Variants in TTL observed in about 807,000 individuals in gnomAD.
TTL encodes the protein tubulin--tyrosine ligase.
In TTL, 10 loss-of-function variants were observed where a neutral mutation model predicts 41.1. That is an observed-to-expected ratio of 0.24 (90% CI 0.15 to 0.41). The LOEUF (loss-of-function observed/expected upper bound fraction) is 0.41. Among genes scored for constraint, TTL ranks in the 10% least tolerant of loss-of-function variants. The pLI is 1.00. For synonymous variants in TTL, 175 were observed against 175.5 expected (o/e 1.00, Z 0.02); for missense variants, 367 against 460.4 (o/e 0.80, Z 1.86).
Position 112,485,877 on chromosome 2 carries a change from G to GGGGCTGACAT in TTL, c.158-40_158-39insGGGCTGACAT. 3 of 1,566,236 alleles carry GGGGCTGACAT rather than the reference G, an allele frequency of 1.9e-6. No homozygotes were observed. In the African/African-American group the frequency reaches 4.1e-5, roughly 22 times the overall value. ...ACAGCTGTCCTCTCTCCTGCTTGCT[G>GGGGCTGACAT]TGTCCTGTGTCCCTTCTGAGCCTCC... On this transcript the variant is annotated intron_variant, in intron 1 of 6. Transcript: ENST00000233336.
chr2:112,487,982 C>A (rs930261873), intron 2 of TTL, among the ~76,000 whole-genome samples: 7 of 152,208 alleles, frequency 4.6e-5, no homozygotes, highest in Non-Finnish European at 2.9e-5. Flanking sequence ...ATAGTAGCTC[C>A]TGTTAAACCA....
chr2:112,525,230 C>T (rs1234621358), intron 6 of TTL, among the ~76,000 whole-genome samples: 1 of 152,188 alleles, frequency 6.6e-6, no homozygotes, highest in South Asian at 2.1e-4. Context: ...AGGGTGATGC[C>T]TCCAGCTTTG....
chr2:112,537,609 T>C lies in TTL; in HGVS notation c.*8814T>C, dbSNP rs1682620868. 6.6e-6 allele frequency: 1 copy of C among 152,268 alleles called. No homozygotes were observed. The highest frequency in any genetic ancestry group is 1.5e-5 in the Non-Finnish European group (1 of 68,058). The allele number at this position is 152,268 out of a possible 1,614,324, so 9.4% of individuals were successfully genotyped here. Reference sequence around the variant, plus strand: ...ATTAGTGATGATGAACATTGTCTCATATGTTTCTTGGCCACTTGTATGCCA... The same window carrying C: ...ATTAGTGATGATGAACATTGTCTCACATGTTTCTTGGCCACTTGTATGCCA... On this transcript the variant is annotated 3_prime_UTR_variant, in exon 7 of 7. Coordinates refer to ENST00000233336, the MANE Select transcript of TTL (RefSeq NM_153712.5).
chr2:112,507,319 A>T (rs1681816901), intron 5 of TTL, among the ~76,000 whole-genome samples: 1 of 20,258 alleles, frequency 4.9e-5, no homozygotes, highest in Non-Finnish European at 9.7e-5. Context: ...AGTTCTGTAG[A>T]TGTCTATTAG....
At position 112,536,770 on chromosome 2, in the gene TTL, G is replaced by C. The variant is rs1303076894; in HGVS notation, c.*7975G>C. On this transcript the variant is annotated 3_prime_UTR_variant, in exon 7 of 7. Transcript: ENST00000233336. Reference sequence around the variant, plus strand: ...ATGTTTGGCTCCCACTTATGAGACTGTGCAATATTTGGTTTTCTGTTCCTG... The same window carrying C: ...ATGTTTGGCTCCCACTTATGAGACTCTGCAATATTTGGTTTTCTGTTCCTG... 1 of 152,158 alleles carries C rather than the reference G, an allele frequency of 6.6e-6. No individual in the cohort carries two copies. The highest frequency in any genetic ancestry group is 2.4e-5 in the African/African-American group (1 of 41,418). 9.4% of individuals were successfully genotyped at this position (152,158 alleles called of 1,614,324 possible). A position where few individuals can be genotyped will look rare whatever the true frequency, so the allele number is the denominator to read the frequency against.
intron 3 of TTL, among the ~76,000 whole-genome samples, chr2:112,497,870 G>A (rs546383168): frequency 3.9e-5 from 6 of 152,106 alleles, no homozygotes; most frequent in Admixed American, 6.6e-5. Context: ...AAACCACAAC[G>A]AACTGTCACT....
At chr2:112,494,488 T>G in intron 3 of TTL, 113 bp downstream of exon 3, 1 of 807,432 alleles carries the variant, frequency 1.2e-6, no homozygotes, top group Non-Finnish European at 2.0e-6. Context: ...CCGTGTCTAG[T>G]TACATAGTTA....
At chr2:112,502,188 C>T (rs1414508097) in intron 4 of TTL, among the ~76,000 whole-genome samples, 2 of 152,224 alleles carry the variant, frequency 1.3e-5, no homozygotes, top group Admixed American at 6.5e-5. Flanking sequence ...GCTGTCAGCT[C>T]ATTGCCAAGG....
chr2:112,531,492 G>C lies in TTL; in HGVS notation c.*2697G>C, dbSNP rs1682507817. 1 of 229,898 alleles carries C rather than the reference G, an allele frequency of 4.3e-6. No homozygotes were observed. Among genetic ancestry groups the C allele is most frequent in the Non-Finnish European group, 8.6e-6 (1 of 115,880 alleles). 14.2% of individuals were successfully genotyped at this position (229,898 alleles called of 1,614,324 possible). A position where few individuals can be genotyped will look rare whatever the true frequency, so the allele number is the denominator to read the frequency against. On this transcript the variant is annotated 3_prime_UTR_variant, in exon 7 of 7. Coordinates refer to ENST00000233336, the MANE Select transcript of TTL (RefSeq NM_153712.5). ...AAGATGCAAGAGCCTTTAGTACCAA[G>C]GTTCTCAACACTGACTACATGCTGG...
At chr2:112,520,755 A>G in intron 6 of TTL, 1 of 237,852 alleles carries the variant, frequency 4.2e-6, no homozygotes, top group East Asian at 8.5e-5. Context: ...CCATCTCTAC[A>G]AAAAATACAG....
chr2:112,528,195 T>C (rs1440214175), intron 6 of TTL, among the ~76,000 whole-genome samples: 10 of 152,244 alleles, frequency 6.6e-5, no homozygotes, highest in Non-Finnish European at 1.0e-4. Context: ...ATTAGTCTGA[T>C]AGGCTTCCCT....
intron 2 of TTL, among the ~76,000 whole-genome samples, chr2:112,493,356 A>G (rs1681443067): frequency 1.1e-5 from 1 of 93,506 alleles, no homozygotes; most frequent in Non-Finnish European, 2.3e-5. Flanking sequence ...TTGAGCTGTT[A>G]AAAAAAAAAA....
Position 112,520,273 on chromosome 2 carries a change from G to C in TTL, c.876-9G>C, listed in dbSNP as rs374502066. On this transcript the variant is annotated splice_polypyrimidine_tract_variant and intron_variant, in intron 5 of 6. Coordinates refer to ENST00000233336, the MANE Select transcript of TTL (RefSeq NM_153712.5). The stretch of plus-strand genomic sequence containing the variant: ...CGTTCTAATGAGCATTTCCCCTCCT[G>C]CCTCATAGGAACTGCCTCCTGAGCG... The C allele has an allele frequency of 1.9e-6, 3 of 1,613,420 alleles. No homozygotes were observed. Among genetic ancestry groups the C allele is most frequent in the Non-Finnish European group, 2.5e-6 (3 of 1,179,642 alleles).
At chr2:112,521,803 G>A (rs896246910) in intron 6 of TTL, among the ~76,000 whole-genome samples, 1 of 152,232 alleles carries the variant, frequency 6.6e-6, no homozygotes, top group African/African-American at 2.4e-5. Context: ...GCGAGGACAA[G>A]TGCTTCAATG....
At chr2:112,521,308 A>G (rs555775888) in intron 6 of TTL, 1 of 985,268 alleles carries the variant, frequency 1.0e-6, no homozygotes, top group East Asian at 1.1e-4. Flanking sequence ...TGGTTGTAGC[A>G]TGAGCGTCAT....
chr2:112,520,022 C>T (rs895879187), intron 5 of TTL, among the ~76,000 whole-genome samples: 55 of 150,128 alleles, frequency 3.7e-4, no homozygotes, highest in African/African-American at 1.3e-3. Context: ...CCCAGCTGCT[C>T]GGGAGGCTGA....
chr2:112,488,718 A>G (rs1681304983), intron 2 of TTL, among the ~76,000 whole-genome samples: 1 of 151,188 alleles, frequency 6.6e-6, no homozygotes, highest in Admixed American at 6.6e-5. Context: ...AGATCATGCC[A>G]CTGCACTCCA....
chr2:112,529,473 T>C lies in TTL; in HGVS notation c.*678T>C. On this transcript the variant is annotated 3_prime_UTR_variant, in exon 7 of 7. Transcript: ENST00000233336. ...CTGCCCTGAACCTGTAAGCATCAAA[T>C]AAGCATGAGAGAGAAAAAAACATGA... The C allele has an allele frequency of 4.4e-6, 1 of 227,596 alleles. No homozygotes were observed. Among genetic ancestry groups the C allele is most frequent in the South Asian group, 1.8e-4 (1 of 5,482 alleles). 14.1% of individuals were successfully genotyped at this position (227,596 alleles called of 1,614,324 possible).
At chr2:112,486,933 C>A (rs753193448) in intron 2 of TTL, among the ~76,000 whole-genome samples, 6 of 152,180 alleles carry the variant, frequency 3.9e-5, no homozygotes, top group Non-Finnish European at 8.8e-5. Context: ...TAGCTACGGG[C>A]TTTGAATTGT....
Sources: allele counts gnomAD v4.1 joint callset (sites outside exome capture counted in the v4.1 genomes callset), GRCh38; gene constraint gnomAD v4.1.1; transcripts MANE v1.5; gene names NCBI Gene and HGNC (gene_info 2026-07-23, HGNC 2026-07-21).